MITF: variants seen among roughly 807,000 people sequenced by gnomAD.
MITF encodes melanocyte inducing transcription factor.
A neutral mutation model predicts 60.5 loss-of-function variants in MITF; 17 were observed. The ratio of observed to expected loss-of-function variants is 0.28; its 90% CI spans 0.19 to 0.42. The LOEUF is 0.42. MITF is among the 10% of genes least tolerant of loss of function. MITF has a pLI of 1.00. For missense variants in MITF, 622 were observed against 683.5 expected (o/e 0.91, Z 1.00); for synonymous variants, 260 against 248.5 (o/e 1.05, Z -0.43).
chr3:69,879,074 G>T, intron 1 of MITF, 60 bp from the exon 2 acceptor site: 2 of 1,421,216 alleles, frequency 1.4e-6, no homozygotes, highest in Non-Finnish European at 2.0e-6. Context: ...TACCCCCAAA[G>T]TGCAAACGAA....
intron 2 of MITF, among the ~76,000 whole-genome samples, chr3:69,888,743 G>A (rs923428872): frequency 2.0e-5 from 3 of 152,024 alleles, no homozygotes; most frequent in African/African-American, 4.8e-5. Context: ...ATGGAAATGC[G>A]CCCTCTTGTT....
At chr3:69,887,769 A>G (rs1195556636) in intron 2 of MITF, among the ~76,000 whole-genome samples, 1 of 152,014 alleles carries the variant, frequency 6.6e-6, no homozygotes, top group Non-Finnish European at 1.5e-5. Context: ...GAGTATTGGG[A>G]TTGGAAGCGG....
At chr3:69,941,707 CAAG>C (rs1372489440) in intron 5 of MITF, among the ~76,000 whole-genome samples, 1 of 152,140 alleles carries the variant, frequency 6.6e-6, no homozygotes, top group Non-Finnish European at 1.5e-5. Flanking sequence ...TTCAGTTTTT[CAAG>C]AAGGTTTTCT....
intron 5 of MITF, among the ~76,000 whole-genome samples, chr3:69,947,561 T>C (rs994530093): frequency 7.2e-5 from 11 of 152,204 alleles, no homozygotes; most frequent in African/African-American, 2.7e-4. Flanking sequence ...TGAAATACCA[T>C]ACAAGGGCAT....
intron 1 of MITF, among the ~76,000 whole-genome samples, chr3:69,858,912 C>A (rs1031291771): frequency 4.6e-5 from 7 of 152,082 alleles, no homozygotes; most frequent in African/African-American, 1.7e-4. Context: ...ATAGAGTCCT[C>A]GCTCCTTGTG....
chr3:69,966,738 T>C lies in MITF; in HGVS notation c.*1490T>C. ...GCCTAGATGTTTTATACAGATGCCA[T>C]ATAGTGTTATGAGCCAGGCTGTTGA... On this transcript the variant is annotated 3_prime_UTR_variant, in exon 10 of 10. Coordinates refer to ENST00000352241, the MANE Select transcript of MITF (RefSeq NM_001354604.2). The C allele has an allele frequency of 4.3e-6, 1 of 232,972 alleles. No homozygotes were observed. The highest frequency in any genetic ancestry group is 8.5e-6 in the Non-Finnish European group (1 of 117,614). 14.4% of individuals were successfully genotyped at this position (232,972 alleles called of 1,614,324 possible).
At chr3:69,840,206 C>G (rs1027465794) in intron 1 of MITF, among the ~76,000 whole-genome samples, 1 of 152,188 alleles carries the variant, frequency 6.6e-6, no homozygotes, top group African/African-American at 2.4e-5. Flanking sequence ...GCTGTGAGAT[C>G]TTCTTTGGTA....
intron 2 of MITF, among the ~76,000 whole-genome samples, chr3:69,909,305 G>A (rs560181378): frequency 6.6e-6 from 1 of 152,264 alleles, no homozygotes; most frequent in Admixed American, 6.5e-5. Flanking sequence ...GGCCTTCCCA[G>A]CCATGTGGAA....
chr3:69,753,344 T>C (rs1704006265), intron 1 of MITF, among the ~76,000 whole-genome samples: 1 of 152,184 alleles, frequency 6.6e-6, no homozygotes, highest in Non-Finnish European at 1.5e-5. Flanking sequence ...AACTTGGATG[T>C]CCAGGCAGAA....
At chr3:69,905,789 C>T (rs1382671652) in intron 2 of MITF, among the ~76,000 whole-genome samples, 6 of 151,814 alleles carry the variant, frequency 4.0e-5, no homozygotes, top group African/African-American at 1.2e-4. Context: ...TTGCCATCTC[C>T]GTATTTTCTT....
chr3:69,891,189 G>T (rs1254519580), intron 2 of MITF, among the ~76,000 whole-genome samples: 2 of 152,086 alleles, frequency 1.3e-5, no homozygotes, highest in Non-Finnish European at 2.9e-5. Flanking sequence ...TTCAACTAAT[G>T]AATTAGAAGA....
At chr3:69,931,459 G>A (rs1035902530) in intron 2 of MITF, among the ~76,000 whole-genome samples, 2 of 152,152 alleles carry the variant, frequency 1.3e-5, no homozygotes, top group African/African-American at 4.8e-5. Context: ...AAGTATGCCT[G>A]TCTTGTGGTT....
intron 2 of MITF, among the ~76,000 whole-genome samples, chr3:69,892,897 T>C (rs2064791151): frequency 1.3e-5 from 2 of 152,240 alleles, no homozygotes; most frequent in Admixed American, 6.5e-5. Flanking sequence ...CCTTTCTTTT[T>C]TTGTATTGGT....
intron 1 of MITF, among the ~76,000 whole-genome samples, chr3:69,781,641 A>G (rs933332081): frequency 1.3e-5 from 2 of 152,168 alleles, no homozygotes; most frequent in African/African-American, 4.8e-5. Flanking sequence ...TCAAATTCTC[A>G]TTAGATTTTG....
chr3:69,920,323 C>T (rs895228267), intron 2 of MITF, among the ~76,000 whole-genome samples: 33 of 151,920 alleles, frequency 2.2e-4, no homozygotes, highest in South Asian at 6.2e-4. Context: ...TCCTTTTCCC[C>T]GGGGGAGTTT....
At chr3:69,926,477 G>GTA (rs2065590730) in intron 2 of MITF, among the ~76,000 whole-genome samples, 4 of 152,124 alleles carry the variant, frequency 2.6e-5, no homozygotes, top group Non-Finnish European at 5.9e-5. Context: ...AAGAGTGTCG[G>GTA]TACTTATGAG....
chr3:69,937,743 T>C (rs2065875339), intron 2 of MITF, 79 bp from the exon 3 acceptor site: 1 of 1,198,992 alleles, frequency 8.3e-7, no homozygotes, highest in African/African-American at 1.5e-5. Context: ...GTCAGTTTCA[T>C]GTTTGTGCCT....
chr3:69,844,338 T>C (rs1255434671), intron 1 of MITF, among the ~76,000 whole-genome samples: 1 of 152,158 alleles, frequency 6.6e-6, no homozygotes, highest in Non-Finnish European at 1.5e-5. Flanking sequence ...CCATCTGATC[T>C]TTGACAAACC....
intron 1 of MITF, among the ~76,000 whole-genome samples, chr3:69,816,784 G>C (rs957898948): frequency 3.3e-5 from 5 of 152,158 alleles, no homozygotes; most frequent in African/African-American, 9.6e-5. Flanking sequence ...CACATATTAA[G>C]GCTCATTCAT....
Sources: allele counts gnomAD v4.1 joint callset (sites outside exome capture counted in the v4.1 genomes callset), GRCh38; gene constraint gnomAD v4.1.1; transcripts MANE v1.5; gene names NCBI Gene and HGNC (gene_info 2026-07-23, HGNC 2026-07-21).